KCNU1: variants seen among roughly 807,000 people sequenced by gnomAD.
The protein encoded by KCNU1 is potassium channel subfamily U member 1.
In KCNU1, 93 loss-of-function variants were observed where a neutral mutation model predicts 126.8. That is an observed-to-expected ratio of 0.73 (90% CI 0.62 to 0.87). The LOEUF is 0.87. Ranked by LOEUF, KCNU1 falls within the 40% of genes least tolerant of loss-of-function variation. KCNU1 has a pLI of 0.00. For missense variants in KCNU1, 1,330 were observed against 1,367.1 expected, an observed-to-expected ratio of 0.97 and a Z score of 0.43; for synonymous variants, 523 against 494.2, an observed-to-expected ratio of 1.06 and a Z score of -0.77.
intron 9 of KCNU1, among the ~76,000 whole-genome samples, chr8:36,816,944 A>AAAC (rs148967490): frequency 7.0e-4 from 107 of 151,782 alleles, no homozygotes; most frequent in African/African-American, 1.8e-3. Flanking sequence ...AGAAAAAAAC[A>AAAC]AACAACAACA....
At chr8:36,870,657 A>C (rs910418428) in intron 19 of KCNU1, among the ~76,000 whole-genome samples, 3 of 152,192 alleles carry the variant, frequency 2.0e-5, no homozygotes, top group African/African-American at 7.2e-5. Context: ...TTATCTGAGC[A>C]ATTCCTTTTA....
Position 36,833,565 on chromosome 8 carries a change from C to G in KCNU1, c.1118C>G (p.Ser373Cys), listed in dbSNP as rs369471195. The G allele has an allele frequency of 6.2e-7, 1 of 1,607,676 alleles. No homozygotes were observed. Among genetic ancestry groups the G allele is most frequent in the Middle Eastern group, 1.7e-4 (1 of 6,042 alleles). ...TCTTTTTTGTCCAGAACCCCTCCTT[C>G]TTTGGAACTTGAAACCATATTTAAA... ...EIVFLGETPPSLELETIFKCY... is the reference protein window; with the variant it reads ...EIVFLGETPPCLELETIFKCY... Residue 373 changes from serine to cysteine, a missense_variant, in exon 11 of 27, where the codon TCT becomes TGT. Transcript: ENST00000399881.
chr8:36,790,998 G>GA lies in KCNU1; in HGVS notation c.315+3586dup, dbSNP rs199547680. Among the ~76,000 whole-genome samples, 583 of 134,870 alleles carry GA rather than the reference G, an allele frequency of 4.3e-3. 13 individuals are homozygous for GA. In the East Asian group the frequency reaches 0.073, roughly 17 times the overall value. 88.5% of individuals were successfully genotyped at this position (134,870 alleles called of 152,430 possible). A position where few individuals can be genotyped will look rare whatever the true frequency, so the allele number is the denominator to read the frequency against. The stretch of plus-strand genomic sequence containing the variant: ...GGAGGAAGAGGAAAATAGGAAGATG[G>GA]AAAAAAAAAAAAAGGAAAAAGGAGA... On this transcript the variant is annotated intron_variant, in intron 2 of 26. Coordinates refer to ENST00000399881, the MANE Select transcript of KCNU1 (RefSeq NM_001031836.3).
intron 2 of KCNU1, among the ~76,000 whole-genome samples, chr8:36,799,700 A>AT (rs556183981): frequency 0.18 from 25,660 of 139,646 alleles, 2,339 homozygotes; most frequent in Admixed American, 0.31. Flanking sequence ...ACACTTGGCT[A>AT]TTTTTTTTTT....
rs145364252 is a variant in KCNU1, at chr8:36,910,959, T to C, written c.2361T>C (p.His787=). The change falls in exon 22 of 27, where the codon CAT becomes CAC. Residue 787 remains histidine (H), a synonymous_variant. Coordinates refer to ENST00000399881, the MANE Select transcript of KCNU1 (RefSeq NM_001031836.3). ...PGCALYSGDL[H]AANIEQCSMC... is the part of the protein sequence containing the mutation. ...GTGCACTTTATTCTGGAGACCTCCA[T>C]GCGGCCAACATAGAGCAATGCTCCA... 571 of 1,612,812 alleles carry C rather than the reference T, an allele frequency of 3.5e-4. 3 individuals carry two copies. Among genetic ancestry groups the C allele is most frequent in the Non-Finnish European group, 3.8e-5 (45 of 1,179,232 alleles).
chr8:36,842,796 G>T (rs1716314324), intron 16 of KCNU1, among the ~76,000 whole-genome samples: 2 of 152,122 alleles, frequency 1.3e-5, no homozygotes, highest in Admixed American at 1.3e-4. Context: ...TCAGCCTCCT[G>T]AGTAGCTGAG....
At chr8:36,794,309 C>T (rs956850114) in intron 2 of KCNU1, among the ~76,000 whole-genome samples, 5 of 151,608 alleles carry the variant, frequency 3.3e-5, no homozygotes, top group Non-Finnish European at 7.4e-5. Flanking sequence ...ATGTTCCTAC[C>T]TTTTGATCTC....
At chr8:36,825,275 C>G (rs1804277036) in intron 10 of KCNU1, among the ~76,000 whole-genome samples, 2 of 152,118 alleles carry the variant, frequency 1.3e-5, no homozygotes, top group Admixed American at 1.3e-4. Context: ...GCCACCTGGA[C>G]TCCCTCATAT....
At chr8:36,901,186 G>T (rs1329670974) in intron 19 of KCNU1, among the ~76,000 whole-genome samples, 1 of 152,056 alleles carries the variant, frequency 6.6e-6, no homozygotes, top group Non-Finnish European at 1.5e-5. Flanking sequence ...AAATCTGTAA[G>T]TTGGAGAAAA....
intron 18 of KCNU1, among the ~76,000 whole-genome samples, chr8:36,847,756 G>A (rs1051785827): frequency 9.2e-5 from 14 of 152,092 alleles, no homozygotes; most frequent in African/African-American, 3.1e-4. Context: ...CTTAGCTATT[G>A]TGTATAGTCC....
intron 24 of KCNU1, among the ~76,000 whole-genome samples, chr8:36,924,499 C>T (rs1162832279): frequency 6.6e-6 from 1 of 152,158 alleles, no homozygotes; most frequent in African/African-American, 2.4e-5. Context: ...TCATACACCC[C>T]ATCAAGCTCT....
intron 19 of KCNU1, among the ~76,000 whole-genome samples, chr8:36,894,332 A>G (rs1268506453): frequency 6.6e-6 from 1 of 152,178 alleles, no homozygotes; most frequent in Non-Finnish European, 1.5e-5. Flanking sequence ...AGAACATCTT[A>G]GCACAGCAGA....
chr8:36,837,563 G>A (rs16885486), intron 14 of KCNU1, among the ~76,000 whole-genome samples: 2,259 of 152,282 alleles, frequency 0.015, 59 homozygotes, highest in African/African-American at 0.05. Context: ...TTAGTGAGCC[G>A]CAGAGCTAGA....
chr8:36,862,796 A>T (rs1805777665), intron 18 of KCNU1, among the ~76,000 whole-genome samples: 2 of 152,118 alleles, frequency 1.3e-5, no homozygotes, highest in Non-Finnish European at 2.9e-5. Context: ...TGAGAAAAGG[A>T]GAGACGTCCT....
chr8:36,923,083 G>A (rs1045409796), intron 24 of KCNU1: 2 of 456,492 alleles, frequency 4.4e-6, no homozygotes, highest in Admixed American at 4.7e-5. Flanking sequence ...CTCCCTCCAT[G>A]TTCCTCCTCT....
In KCNU1 at chr8:36,861,035, T is replaced by A. The variant is rs149988260; in HGVS notation, c.1892-3369T>A. 2.4e-3 allele frequency among the ~76,000 whole-genome samples: 369 copies of A among 152,122 alleles called. 3 individuals are homozygous for A. Among genetic ancestry groups the A allele is most frequent in the African/African-American group, 8.6e-3 (355 of 41,494 alleles). On this transcript the variant is annotated intron_variant, in intron 18 of 26. Coordinates refer to ENST00000399881, the MANE Select transcript of KCNU1 (RefSeq NM_001031836.3). Reference sequence around the variant, plus strand: ...TAAGGTAGAGATTTACCTACCCTAATGAATCTACCAGCTCATCTTCCCAGC... The same window carrying A: ...TAAGGTAGAGATTTACCTACCCTAAAGAATCTACCAGCTCATCTTCCCAGC...
chr8:36,886,355 AAAAAC>A lies in KCNU1; in HGVS notation c.2010-19342_2010-19338del, dbSNP rs549921568. 4.0e-4 allele frequency among the ~76,000 whole-genome samples: 61 copies of A among 152,350 alleles called. No individual in the cohort carries two copies. In the East Asian group the frequency reaches 0.011, roughly 27 times the overall value. ...AAAATTGCAAAGAATGCAAAAAGCC[AAAAAC>A]AAAACAAAACTCTCTCTGAGATGTT... On this transcript the variant is annotated intron_variant, in intron 19 of 26. Transcript: ENST00000399881.
chr8:36,910,943 A>G lies in KCNU1; in HGVS notation c.2345A>G (p.Tyr782Cys), dbSNP rs1214904412. The change falls in exon 22 of 27, where the codon TAT (tyrosine) becomes TGT (cysteine). Residue 782 changes from tyrosine to cysteine, a missense_variant. Around this residue, in one of 3 missense-constraint regions of KCNU1, gnomAD observed 1,054 missense variants for 1,053.9 expected, o/e 1.00. Coordinates refer to ENST00000399881, the MANE Select transcript of KCNU1 (RefSeq NM_001031836.3). The stretch of plus-strand genomic sequence containing the variant: ...TCCTCTCATTAGGGATGTGCACTTT[A>G]TTCTGGAGACCTCCATGCGGCCAAC... ...QIYILPGCALYSGDLHAANIE... is the reference protein window; with the variant it reads ...QIYILPGCALCSGDLHAANIE... The G allele has an allele frequency of 1.1e-5, 17 of 1,610,796 alleles. No homozygotes were observed. Among genetic ancestry groups the G allele is most frequent in the Non-Finnish European group, 1.4e-5 (16 of 1,178,022 alleles).
At chr8:36,866,338 C>G (rs147818038) in intron 19 of KCNU1, among the ~76,000 whole-genome samples, 2 of 152,102 alleles carry the variant, frequency 1.3e-5, no homozygotes, top group African/African-American at 4.8e-5. Flanking sequence ...TTTTCCTGTA[C>G]CCTCCCAAAG....
Sources: gnomAD v4.1 joint callset for allele counts (sites outside exome capture counted in the v4.1 genomes callset) on GRCh38, gnomAD v4.1.1 for gene constraint, gnomAD v4.1.1 regional missense constraint, MANE v1.5 for transcripts, NCBI Gene and HGNC (gene_info 2026-07-23, HGNC 2026-07-21) for gene names.